CDH8: variants seen among roughly 807,000 people sequenced by gnomAD.
CDH8 encodes cadherin-8.
Under a neutral mutation model 68.1 loss-of-function variants are expected in CDH8, and 17 were observed. The observed-to-expected ratio is 0.25, with a 90% CI of 0.17 to 0.37. The LOEUF (loss-of-function observed/expected upper bound fraction) is 0.37, where lower values mean the gene tolerates loss of function less well. Among genes scored for constraint, CDH8 ranks in the 10% least tolerant of loss-of-function variants. The pLI is 1.00. For synonymous variants in CDH8, 372 were observed against 365.1 expected (o/e 1.02, Z -0.21); for missense variants, 763 against 999.3 (o/e 0.76, Z 3.19).
chr16:61,673,062 T>C lies in CDH8; in HGVS notation c.1655-17341A>G, dbSNP rs563104965. Among the ~76,000 whole-genome samples, 10 of 152,250 alleles carry C rather than the reference T, an allele frequency of 6.6e-5. No individual in the cohort carries two copies. The East Asian group carries it at 1.9e-3, about 29-fold the overall frequency. On this transcript the variant is annotated intron_variant, in intron 10 of 11. Transcript: ENST00000577390. ...TTCTGAAACTCTCCAGAGATAATGATTCCTAGAAGACAAGACTGTTAGTTG... is the reference window on the plus strand; with the variant it reads ...TTCTGAAACTCTCCAGAGATAATGACTCCTAGAAGACAAGACTGTTAGTTG...
In CDH8 at chr16:61,772,987, T is replaced by C. The variant is rs569303634; in HGVS notation, c.1414+16359A>G. Among the ~76,000 whole-genome samples, 187 of 152,192 alleles carry C rather than the reference T, an allele frequency of 1.2e-3. 1 individual carries two copies. The highest frequency in any genetic ancestry group is 7.3e-3 in the South Asian group (35 of 4,826). ...TATTTTCCTATTTCAATGCATTTGATGGGCCCTTTTAATGTGGAGAATGAG... is the reference window on the plus strand; with the variant it reads ...TATTTTCCTATTTCAATGCATTTGACGGGCCCTTTTAATGTGGAGAATGAG... On this transcript the variant is annotated intron_variant, in intron 8 of 11. Transcript: ENST00000577390.
intron 3 of CDH8, among the ~76,000 whole-genome samples, chr16:61,863,119 C>T (rs925985802): frequency 1.6e-4 from 24 of 152,110 alleles, no homozygotes; most frequent in African/African-American, 5.8e-4. Flanking sequence ...AGTATCAAGC[C>T]GAGTATGAAC....
At chr16:61,807,914 G>A (rs566261575) in intron 7 of CDH8, among the ~76,000 whole-genome samples, 77 of 152,178 alleles carry the variant, frequency 5.1e-4, no homozygotes, top group Non-Finnish European at 9.9e-4. Flanking sequence ...CTAACAAATG[G>A]CTTTCATTTC....
At chr16:61,914,094 C>T (rs879302457) in intron 2 of CDH8, among the ~76,000 whole-genome samples, 13 of 152,064 alleles carry the variant, frequency 8.5e-5, no homozygotes, top group Admixed American at 2.0e-4. Flanking sequence ...GATGTGAGTG[C>T]ACAGAGGAAA....
chr16:61,678,448 G>C (rs1211449854), intron 10 of CDH8, among the ~76,000 whole-genome samples: 2 of 152,064 alleles, frequency 1.3e-5, no homozygotes. Context: ...ATAGAGACCA[G>C]GTTAGCCACT....
chr16:61,938,846 C>T (rs1964667025), intron 2 of CDH8, among the ~76,000 whole-genome samples: 1 of 152,090 alleles, frequency 6.6e-6, no homozygotes, highest in Admixed American at 6.5e-5. Flanking sequence ...CTCAATGTTC[C>T]TGTGAATTAA....
In CDH8 at chr16:61,652,918, G is replaced by T; in HGVS notation, c.*690C>A. 6.5e-7 allele frequency: 1 copy of T among 1,527,114 alleles called. No individual in the cohort carries two copies. The highest frequency in any genetic ancestry group is 1.2e-5 in the South Asian group (1 of 81,740). 94.6% of individuals were successfully genotyped at this position (1,527,114 alleles called of 1,614,324 possible). A position where few individuals can be genotyped will look rare whatever the true frequency, so the allele number is the denominator to read the frequency against. On this transcript the variant is annotated 3_prime_UTR_variant, in exon 12 of 12. Coordinates refer to ENST00000577390, the MANE Select transcript of CDH8 (RefSeq NM_001796.5). ...CTGCTTCTAGAAAACAAGCATGTTTGAATGGGATTTCTCTCCTCCCACCAC... is the reference window on the plus strand; with the variant it reads ...CTGCTTCTAGAAAACAAGCATGTTTTAATGGGATTTCTCTCCTCCCACCAC...
At chr16:61,934,180 C>A (rs957042341) in intron 2 of CDH8, 1 of 152,174 alleles carries the variant, frequency 6.6e-6, no homozygotes. Context: ...ACACCAGGGT[C>A]CCGGCTGCTG....
At chr16:61,751,175 C>T (rs1277933657) in intron 8 of CDH8, among the ~76,000 whole-genome samples, 7 of 151,430 alleles carry the variant, frequency 4.6e-5, no homozygotes, top group African/African-American at 7.3e-5. Context: ...TAATAAATAC[C>T]GATGCAATAC....
intron 2 of CDH8, among the ~76,000 whole-genome samples, chr16:61,906,865 A>G (rs1964071192): frequency 6.6e-6 from 1 of 152,226 alleles, no homozygotes; most frequent in Non-Finnish European, 1.5e-5. Flanking sequence ...ATGTATTCAA[A>G]TTTAGCATCC....
intron 2 of CDH8, among the ~76,000 whole-genome samples, chr16:61,971,747 C>T (rs1025390245): frequency 4.6e-5 from 7 of 152,146 alleles, no homozygotes; most frequent in African/African-American, 1.2e-4. Context: ...CCAGCTCCCA[C>T]GCTAGAGCTG....
At chr16:61,983,115 C>G in intron 2 of CDH8, among the ~76,000 whole-genome samples, 1 of 152,078 alleles carries the variant, frequency 6.6e-6, no homozygotes. Context: ...TGTATATATA[C>G]ATACTACAGC....
chr16:61,647,484 C>A lies in CDH8; in HGVS notation c.*6124G>T. 4.0e-6 allele frequency: 1 copy of A among 251,756 alleles called. No individual in the cohort carries two copies. Among genetic ancestry groups the A allele is most frequent in the Non-Finnish European group, 7.5e-6 (1 of 132,760 alleles). The allele number at this position is 251,756 out of a possible 1,614,324, so 15.6% of individuals were successfully genotyped here. On this transcript the variant is annotated 3_prime_UTR_variant, in exon 12 of 12. Transcript: ENST00000577390. ...GTTGGAAAGGTGGGGGGGGTGATCC[C>A]AGTGACTCCTAAATTGTCATGTTCC...
chr16:61,749,917 T>A (rs1001086152), intron 8 of CDH8, among the ~76,000 whole-genome samples: 1 of 152,070 alleles, frequency 6.6e-6, no homozygotes, highest in African/African-American at 2.4e-5. Context: ...AATTTCAAAT[T>A]TTATTTTAGA....
At position 61,655,486 on chromosome 16, in the gene CDH8, G is replaced by C. The variant is rs771390154; in HGVS notation, c.1890C>G (p.Cys630Trp). The C allele has an allele frequency of 6.2e-7, 1 of 1,613,970 alleles. No individual in the cohort carries two copies. Among genetic ancestry groups the C allele is most frequent in the African/African-American group, 1.3e-5 (1 of 74,902 alleles). ...SMGALIAILACIILLLVIVVL... is the reference protein window; with the variant it reads ...SMGALIAILAWIILLLVIVVL... ...AATACGTACCTAACAGCAAAATGAT[G>C]CATGCTAATATGGCAATTAAGGCGC... is the stretch of plus-strand genomic sequence containing the variant. The change falls in exon 11 of 12, where the codon TGC becomes TGG. Residue 630 changes from cysteine to tryptophan, a missense_variant. By Grantham distance (215) the Cys-to-Trp change is radical (BLOSUM62 -2). Transcript: ENST00000577390.
chr16:61,727,172 C>T lies in CDH8; in HGVS notation c.1458G>A (p.Val486=), dbSNP rs1283983015. 1.2e-6 allele frequency: 2 copies of T among 1,610,056 alleles called. No individual in the cohort carries two copies. Residue 486 remains valine (V), a synonymous_variant, in exon 9 of 12, where the codon GTG becomes GTA. Transcript: ENST00000577390. ...QISRVPVAIK[V]LDVNDNAPEF... is the part of the protein sequence containing the mutation. ...CAGGGGCGTTGTCATTGACATCCAG[C>T]ACTTTAATAGCAACAGGTACTCGTG...
chr16:61,697,063 A>C (rs1222031851), intron 10 of CDH8, among the ~76,000 whole-genome samples: 1 of 152,170 alleles, frequency 6.6e-6, no homozygotes, highest in Non-Finnish European at 1.5e-5. Flanking sequence ...ATGTAAAAAC[A>C]CCTGCCCACG....
intron 8 of CDH8, among the ~76,000 whole-genome samples, chr16:61,759,376 A>G (rs917342628): frequency 2.0e-5 from 3 of 151,610 alleles, no homozygotes; most frequent in Admixed American, 6.6e-5. Flanking sequence ...AGGAGGAGGA[A>G]GAAGAGGAAG....
In CDH8 at chr16:61,864,342, G is replaced by T. The variant is rs1597026744; in HGVS notation, c.548-7104C>A. On this transcript the variant is annotated intron_variant, in intron 3 of 11. Transcript: ENST00000577390. ...GGTTGGTTGGTTGGTTGGTTGGTTG[G>T]TTGATTGAAAGTCTCCACCCCCTCC... 2.2e-5 allele frequency among the ~76,000 whole-genome samples: 3 copies of T among 137,618 alleles called. No homozygotes were observed. The South Asian group carries it at 6.9e-4, about 32-fold the overall frequency. 90.3% of individuals were successfully genotyped at this position (137,618 alleles called of 152,430 possible). A position where few individuals can be genotyped will look rare whatever the true frequency, so the allele number is the denominator to read the frequency against.
Sources: allele counts gnomAD v4.1 joint callset (sites outside exome capture counted in the v4.1 genomes callset), GRCh38; gene constraint gnomAD v4.1.1; transcripts MANE v1.5; gene names NCBI Gene and HGNC (gene_info 2026-07-23, HGNC 2026-07-21).